CACNA2D3: variants seen among roughly 807,000 people sequenced by gnomAD.
CACNA2D3 encodes calcium voltage-gated channel auxiliary subunit alpha2delta 3.
A neutral mutation model predicts 160.6 loss-of-function variants in CACNA2D3; 60 were observed. The observed-to-expected ratio is 0.37, with a 90% CI of 0.30 to 0.46. The LOEUF (loss-of-function observed/expected upper bound fraction) is 0.46. Ranked by LOEUF, CACNA2D3 falls within the 20% of genes least tolerant of loss-of-function variation. The pLI, the probability that CACNA2D3 is intolerant of heterozygous loss-of-function variation, is 1.00. For missense variants in CACNA2D3, 1,205 were observed against 1,365.0 expected (o/e 0.88, Z 1.85); for synonymous variants, 558 against 492.9 (o/e 1.13, Z -1.75).
intron 2 of CACNA2D3, among the ~76,000 whole-genome samples, chr3:54,135,823 T>C (rs1699804820): frequency 6.6e-6 from 1 of 152,128 alleles, no homozygotes; most frequent in Non-Finnish European, 1.5e-5. Context: ...TGTGAGTGTG[T>C]GTGAGGGCTC....
At chr3:54,628,044 AAC>A (rs1386181849) in intron 10 of CACNA2D3, among the ~76,000 whole-genome samples, 168 bp downstream of exon 10, 1 of 152,152 alleles carries the variant, frequency 6.6e-6, no homozygotes, top group Non-Finnish European at 1.5e-5. Flanking sequence ...CATCCTGGCT[AAC>A]ACGGTGAAAC....
chr3:55,019,542 C>T (rs142726749), intron 35 of CACNA2D3, among the ~76,000 whole-genome samples: 4 of 152,014 alleles, frequency 2.6e-5, no homozygotes, highest in Non-Finnish European at 4.4e-5. Context: ...ATAGTATATA[C>T]TTAAAACTAC....
chr3:54,385,554 G>A (rs868409733), intron 3 of CACNA2D3, among the ~76,000 whole-genome samples: 38 of 152,254 alleles, frequency 2.5e-4, no homozygotes, highest in Non-Finnish European at 4.3e-4. Context: ...CTGTCTGTGG[G>A]CAGCACTGTC....
intron 11 of CACNA2D3, among the ~76,000 whole-genome samples, chr3:54,689,580 C>G (rs535520205): frequency 6.6e-5 from 10 of 152,236 alleles, no homozygotes; most frequent in Middle Eastern, 3.4e-3. Flanking sequence ...TCAGCCACCC[C>G]CAGTGTGTTC....
At chr3:54,469,416 G>A (rs559578705) in intron 4 of CACNA2D3, among the ~76,000 whole-genome samples, 6 of 152,218 alleles carry the variant, frequency 3.9e-5, no homozygotes, top group Non-Finnish European at 1.5e-5. Context: ...AACCTCATCC[G>A]AATGTCTGTC....
At chr3:54,457,931 A>C (rs958716501) in intron 4 of CACNA2D3, among the ~76,000 whole-genome samples, 1 of 151,910 alleles carries the variant, frequency 6.6e-6, no homozygotes, top group Non-Finnish European at 1.5e-5. Flanking sequence ...ATTTGTATGG[A>C]TATCATTTTT....
At chr3:54,521,258 G>A (rs376717564) in intron 5 of CACNA2D3, among the ~76,000 whole-genome samples, 168 of 152,272 alleles carry the variant, frequency 1.1e-3, no homozygotes, top group African/African-American at 3.9e-3. Context: ...TTGTCAGAAG[G>A]GTGAGAAGTG....
chr3:54,540,539 G>T (rs1701955852), intron 5 of CACNA2D3, among the ~76,000 whole-genome samples: 1 of 152,154 alleles, frequency 6.6e-6, no homozygotes, highest in African/African-American at 2.4e-5. Context: ...TCACAACCCA[G>T]TCATTGTTCC....
At chr3:54,273,479 A>C (rs971203319) in intron 2 of CACNA2D3, among the ~76,000 whole-genome samples, 1 of 152,050 alleles carries the variant, frequency 6.6e-6, no homozygotes, top group Non-Finnish European at 1.5e-5. Flanking sequence ...ATATAAACTA[A>C]ACCATTTTCT....
Position 54,687,125 on chromosome 3 carries a change from T to TCC in CACNA2D3, c.1167+44884_1167+44885insCC, listed in dbSNP as rs1559549373. Among the ~76,000 whole-genome samples the TCC allele has an allele frequency of 8.5e-5, 5 of 58,500 alleles. No homozygotes were observed. The East Asian group carries it at 1.3e-3, about 15-fold the overall frequency. The allele number at this position is 58,500 out of a possible 152,430, so 38.4% of individuals were successfully genotyped here. A position where few individuals can be genotyped will look rare whatever the true frequency, so the allele number is the denominator to read the frequency against. On this transcript the variant is annotated intron_variant, in intron 11 of 37. Coordinates refer to ENST00000474759, the MANE Select transcript of CACNA2D3 (RefSeq NM_018398.3). ...CGGATTTTTCTTTTTCTTTTTCTTTTTTTTTTTTTGTTTTTTTTTTTTTTT... is the reference window on the plus strand; with the variant it reads ...CGGATTTTTCTTTTTCTTTTTCTTTTCCTTTTTTTTTGTTTTTTTTTTTTTTT...
intron 9 of CACNA2D3, among the ~76,000 whole-genome samples, chr3:54,601,669 C>T (rs1703062832): frequency 6.6e-6 from 1 of 151,970 alleles, no homozygotes; most frequent in African/African-American, 2.4e-5. Flanking sequence ...TCTAACACAA[C>T]CCCAAATCTT....
At chr3:54,865,309 A>G (rs1699375007) in intron 17 of CACNA2D3, among the ~76,000 whole-genome samples, 1 of 152,210 alleles carries the variant, frequency 6.6e-6, no homozygotes, top group South Asian at 2.1e-4. Context: ...ATTTTCAACA[A>G]TGAGCCGTTA....
intron 2 of CACNA2D3, among the ~76,000 whole-genome samples, chr3:54,299,222 A>AAC (rs1553786246): frequency 1.3e-5 from 2 of 151,302 alleles, no homozygotes; most frequent in Non-Finnish European, 3.0e-5. Context: ...TAAAAAAAAA[A>AAC]AACCAGTGCT....
intron 34 of CACNA2D3, among the ~76,000 whole-genome samples, chr3:55,010,534 C>G (rs1703187498): frequency 6.6e-6 from 1 of 152,170 alleles, no homozygotes; most frequent in African/African-American, 2.4e-5. Context: ...CCAGGCCTGC[C>G]CACTCATGTG....
chr3:55,031,685 G>T (rs1000589339), intron 35 of CACNA2D3, among the ~76,000 whole-genome samples: 6 of 152,112 alleles, frequency 3.9e-5, no homozygotes, highest in African/African-American at 1.2e-4. Flanking sequence ...ATTAATTTCC[G>T]TATGTTGTTC....
intron 3 of CACNA2D3, among the ~76,000 whole-genome samples, chr3:54,321,178 G>C (rs1428160769): frequency 6.6e-6 from 1 of 152,020 alleles, no homozygotes; most frequent in Non-Finnish European, 1.5e-5. Context: ...AAATTAGCCG[G>C]GTGTGTTGGT....
chr3:54,453,855 C>T (rs1232582083), intron 4 of CACNA2D3, among the ~76,000 whole-genome samples: 1 of 152,174 alleles, frequency 6.6e-6, no homozygotes, highest in African/African-American at 2.4e-5. Context: ...AGTACCTGTC[C>T]CCACATGTTG....
chr3:54,142,920 T>G (rs1260093378), intron 2 of CACNA2D3, among the ~76,000 whole-genome samples: 2 of 152,194 alleles, frequency 1.3e-5, no homozygotes, highest in African/African-American at 4.8e-5. Context: ...TGAAAATGAT[T>G]GTGCTAGTTA....
Position 54,589,556 on chromosome 3 carries a change from G to GAA in CACNA2D3, c.963+7687_963+7688dup, listed in dbSNP as rs34059644. Among the ~76,000 whole-genome samples the GAA allele has an allele frequency of 5.3e-3, 802 of 150,264 alleles. 9 individuals are homozygous for GAA. Among genetic ancestry groups the GAA allele is most frequent in the African/African-American group, 0.018 (744 of 40,952 alleles). ...TTGTTAAAATGGATCTCATTAAAATGAAAAAAAAAGAACCAAACCTTTTGC... is the reference window on the plus strand; with the variant it reads ...TTGTTAAAATGGATCTCATTAAAATGAAAAAAAAAAAGAACCAAACCTTTTGC... On this transcript the variant is annotated intron_variant, in intron 9 of 37. Coordinates refer to ENST00000474759, the MANE Select transcript of CACNA2D3 (RefSeq NM_018398.3).
Sources: gnomAD v4.1 joint callset for allele counts (sites outside exome capture counted in the v4.1 genomes callset) on GRCh38, gnomAD v4.1.1 for gene constraint, MANE v1.5 for transcripts, NCBI Gene and HGNC (gene_info 2026-07-23, HGNC 2026-07-21) for gene names.